IL1R1: variants seen among roughly 807,000 people sequenced by gnomAD.
IL1R1 encodes the protein interleukin-1 receptor type 1.
Under a neutral mutation model 50.2 loss-of-function variants are expected in IL1R1, and 22 were observed. The observed-to-expected ratio is 0.44, with a 90% CI of 0.31 to 0.63. The LOEUF (loss-of-function observed/expected upper bound fraction) is 0.63. Among genes scored for constraint, IL1R1 ranks in the 20% least tolerant of loss-of-function variants. IL1R1 has a pLI of 0.07. For missense variants in IL1R1, 509 were observed against 676.2 expected, an observed-to-expected ratio of 0.75 and a Z score of 2.74; for synonymous variants, 251 against 236.7, an observed-to-expected ratio of 1.06 and a Z score of -0.55.
At chr2:102,093,082 A>T (rs1311759476) in intron 1 of IL1R1, among the ~76,000 whole-genome samples, 1 of 152,222 alleles carries the variant, frequency 6.6e-6, no homozygotes, top group African/African-American at 2.4e-5. Flanking sequence ...TTAAGAATTG[A>T]TAAGAAAATA....
At chr2:102,083,921 G>C (rs183118204) in intron 1 of IL1R1, among the ~76,000 whole-genome samples, 155 of 148,736 alleles carry the variant, frequency 1.0e-3, no homozygotes, top group Admixed American at 2.4e-3. Context: ...TCCAGCTTAA[G>C]CGACTGAGCA....
chr2:102,132,654 G>A (rs540045321), intron 1 of IL1R1, among the ~76,000 whole-genome samples: 1 of 152,278 alleles, frequency 6.6e-6, no homozygotes, highest in South Asian at 2.1e-4. Context: ...AAGCTTTGAT[G>A]TCATTTGATG....
Position 102,176,072 on chromosome 2 carries a change from A to T in IL1R1, c.1304-281A>T, listed in dbSNP as rs112093749. The T allele has an allele frequency of 5.7e-5, 26 of 459,666 alleles. 1 individual carries two copies. Among genetic ancestry groups the T allele is most frequent in the African/African-American group, 4.5e-4 (23 of 50,982 alleles). 28.5% of individuals were successfully genotyped at this position (459,666 alleles called of 1,614,324 possible). On this transcript the variant is annotated intron_variant, in intron 11 of 11. Transcript: ENST00000410023. ...AGTGGCTCATGCCTTTTATCTCAGTACAACCCTGGGAGGCCAGGGTGAGAG... is the reference window on the plus strand; with the variant it reads ...AGTGGCTCATGCCTTTTATCTCAGTTCAACCCTGGGAGGCCAGGGTGAGAG...
At chr2:102,127,872 GA>G (rs908484980) in intron 1 of IL1R1, among the ~76,000 whole-genome samples, 14 of 152,130 alleles carry the variant, frequency 9.2e-5, no homozygotes, top group Non-Finnish European at 1.9e-4. Context: ...GAAAAATGAA[GA>G]GAAACAAAAC....
rs779002481 is a variant in IL1R1 at position 102,176,796 on chromosome 2, T to C, written c.*37T>C. On this transcript the variant is annotated 3_prime_UTR_variant, in exon 12 of 12. Transcript: ENST00000410023. Reference sequence around the variant, plus strand: ...TGCCAAGAGTTCTTTAGGTGCCTCCTGTCTTATGGCGTTGCAGGCCAGGTT... The same window carrying C: ...TGCCAAGAGTTCTTTAGGTGCCTCCCGTCTTATGGCGTTGCAGGCCAGGTT... The C allele has an allele frequency of 6.3e-7, 1 of 1,596,170 alleles. No individual in the cohort carries two copies. The highest frequency in any genetic ancestry group is 2.2e-5 in the East Asian group (1 of 44,688).
chr2:102,147,671 G>C (rs992339600), intron 1 of IL1R1, among the ~76,000 whole-genome samples: 1 of 144,044 alleles, frequency 6.9e-6, no homozygotes, highest in Non-Finnish European at 1.5e-5. Context: ...GTGGTCAAGA[G>C]GCTTGGGGTA....
chr2:102,146,832 G>A (rs984974295), intron 1 of IL1R1, among the ~76,000 whole-genome samples: 2 of 152,192 alleles, frequency 1.3e-5, no homozygotes, highest in East Asian at 3.9e-4. Flanking sequence ...TGTTCCGGAT[G>A]TCAAGCATCG....
chr2:102,178,947 T>C lies in IL1R1; in HGVS notation c.*2188T>C, dbSNP rs1686362209. The C allele has an allele frequency of 6.6e-6, 1 of 152,304 alleles. No individual in the cohort carries two copies. The highest frequency in any genetic ancestry group is 2.4e-5 in the African/African-American group (1 of 41,446). The allele number at this position is 152,304 out of a possible 1,614,324, so 9.4% of individuals were successfully genotyped here. ...TTATTTGGAATAATAATTTTCCTCC[T>C]AAACAAAAACACATTGAGTTTAAGT... On this transcript the variant is annotated 3_prime_UTR_variant, in exon 12 of 12. Transcript: ENST00000410023.
chr2:102,170,993 G>T (rs1460948504), intron 7 of IL1R1, among the ~76,000 whole-genome samples: 1 of 152,232 alleles, frequency 6.6e-6, no homozygotes, highest in African/African-American at 2.4e-5. Flanking sequence ...CCCAGGAGGA[G>T]AAGGTTACAG....
intron 1 of IL1R1, among the ~76,000 whole-genome samples, chr2:102,109,223 T>C (rs1285317862): frequency 6.6e-6 from 1 of 152,112 alleles, no homozygotes; most frequent in South Asian, 2.1e-4. Context: ...GGAGACAATG[T>C]CTCATGGTTT....
chr2:102,107,270 A>G (rs1308850572), intron 1 of IL1R1, among the ~76,000 whole-genome samples: 1 of 152,152 alleles, frequency 6.6e-6, no homozygotes, highest in Non-Finnish European at 1.5e-5. Context: ...AGACTGGATT[A>G]AGAAAATGTG....
At chr2:102,122,576 A>G (rs751880999) in intron 1 of IL1R1, among the ~76,000 whole-genome samples, 1 of 152,170 alleles carries the variant, frequency 6.6e-6, no homozygotes, top group African/African-American at 2.4e-5. Flanking sequence ...AGGATCAGGT[A>G]TGGGCCAGGT....
At chr2:102,126,228 A>G (rs1423782096) in intron 1 of IL1R1, among the ~76,000 whole-genome samples, 1 of 152,260 alleles carries the variant, frequency 6.6e-6, no homozygotes, top group Admixed American at 6.5e-5. Flanking sequence ...ACATGTGTAG[A>G]CACGACTGAG....
intron 1 of IL1R1, among the ~76,000 whole-genome samples, chr2:102,082,640 G>A (rs2192750): frequency 0.21 from 31,997 of 151,922 alleles, 3,818 homozygotes; most frequent in East Asian, 0.52. Context: ...AAACAAAACA[G>A]AACAAACGCC....
At chr2:102,171,007 G>A (rs1685621266) in intron 7 of IL1R1, among the ~76,000 whole-genome samples, 1 of 152,200 alleles carries the variant, frequency 6.6e-6, no homozygotes, top group Non-Finnish European at 1.5e-5. Context: ...GTTACAGTGA[G>A]CCGAGATTGT....
At chr2:102,158,823 C>T (rs962890259) in intron 3 of IL1R1, among the ~76,000 whole-genome samples, 5 of 151,948 alleles carry the variant, frequency 3.3e-5, no homozygotes, top group African/African-American at 7.3e-5. Context: ...AGAATAGATC[C>T]GAGGGAGCCA....
chr2:102,141,308 G>C (rs1682632069), upstream of IL1R1, among the ~76,000 whole-genome samples: 1 of 152,246 alleles, frequency 6.6e-6, no homozygotes, highest in African/African-American at 2.4e-5. Context: ...CAGAGACTCT[G>C]ACGTGACTGA....
chr2:102,102,813 C>T (rs550387892), upstream of IL1R1, among the ~76,000 whole-genome samples: 10 of 152,284 alleles, frequency 6.6e-5, no homozygotes, highest in Middle Eastern at 3.4e-3. Context: ...GAATATTATG[C>T]AGCCATGAAA....
intron 2 of IL1R1, among the ~76,000 whole-genome samples, chr2:102,154,977 C>T (rs1479844563): frequency 6.6e-6 from 1 of 152,200 alleles, no homozygotes; most frequent in Non-Finnish European, 1.5e-5. Flanking sequence ...TTCCAGTAGA[C>T]ACCCCCACAT....
Sources: gnomAD v4.1 joint callset for allele counts (sites outside exome capture counted in the v4.1 genomes callset) on GRCh38, gnomAD v4.1.1 for gene constraint, MANE v1.5 for transcripts, NCBI Gene and HGNC (gene_info 2026-07-23, HGNC 2026-07-21) for gene names.